IL17REL: variants seen among roughly 807,000 people sequenced by gnomAD.
IL17REL encodes the protein interleukin-17 receptor E-like protein.
IL17REL carries 36 observed loss-of-function variants against 49.0 expected under a neutral mutation model. That is an observed-to-expected ratio of 0.73 (90% CI 0.56 to 0.97). The LOEUF (loss-of-function observed/expected upper bound fraction) is 0.97. Ranked by LOEUF, IL17REL falls within the 50% of genes least tolerant of loss-of-function variation. IL17REL has a pLI of 0.00. For synonymous variants in IL17REL, 206 were observed against 192.4 expected (o/e 1.07, Z -0.58); for missense variants, 470 against 453.9 (o/e 1.04, Z -0.32).
At chr22:49,998,799 G>C (rs2061054603) in intron 7 of IL17REL, among the ~76,000 whole-genome samples, 1 of 151,948 alleles carries the variant, frequency 6.6e-6, no homozygotes, top group Non-Finnish European at 1.5e-5. Context: ...GCGTATGCAT[G>C]GGTGTGCCTG....
At chr22:49,995,476 T>G (rs1344106533) in exon 13 of IL17REL, 1 of 152,144 alleles carries the variant, frequency 6.6e-6, no homozygotes, top group African/African-American at 2.4e-5. Flanking sequence ...CACCCCACAC[T>G]CTCGGAGGGG....
exon 2 of IL17REL, chr22:50,001,114 A>G: frequency 6.2e-7 from 1 of 1,600,184 alleles, no homozygotes; most frequent in Non-Finnish European, 8.5e-7. Context: ...TACACGCAGG[A>G]GCATCGCGCA....
intron 4 of IL17REL, 71 bp downstream of exon 5, chr22:50,000,407 G>T: frequency 1.7e-6 from 2 of 1,181,850 alleles, no homozygotes; most frequent in Non-Finnish European, 1.3e-6. Flanking sequence ...CCTGCCCTGG[G>T]CAAGTCCCAC....
chr22:50,000,515 G>A lies in IL17REL; in HGVS notation c.297C>T (p.Phe99=), dbSNP rs970825878. 1.9e-6 allele frequency: 3 copies of A among 1,613,454 alleles called. No homozygotes were observed. The African/African-American group carries it at 4.0e-5, about 22-fold the overall frequency. The change falls in exon 4 of 13, where the codon TTC becomes TTT. Residue 99 remains phenylalanine (F), a synonymous_variant. Coordinates refer to ENST00000341280, the Ensembl canonical transcript of IL17REL. ...GCCTCTGGTCCAGCTGGACCCCGCA[G>A]AAATGAGGGATGGTCCTCAGGGTGA... is the stretch of plus-strand genomic sequence containing the variant.
chr22:49,999,334 C>G lies in IL17REL; in HGVS notation c.558G>C (p.Ala186=), dbSNP rs148168797. The change falls in exon 7 of 13, where the codon GCG becomes GCC. Residue 186 remains alanine, a synonymous_variant. Coordinates refer to ENST00000341280, the Ensembl canonical transcript of IL17REL. ...TCTGGATCCGCACCGCGTCAGGGGT[C>G]GCAGACCAGCCCTGTGGGAGGGGCT... is the stretch of plus-strand genomic sequence containing the variant. 1.2e-5 allele frequency: 19 copies of G among 1,612,882 alleles called. 1 individual carries two copies. The highest frequency in any genetic ancestry group is 5.0e-5 in the Admixed American group (3 of 60,002).
intron 2 of IL17REL, 30 bp from the exon 4 acceptor site, chr22:50,000,893 A>G: frequency 2.0e-6 from 3 of 1,483,996 alleles, no homozygotes; most frequent in Non-Finnish European, 2.7e-6. Flanking sequence ...GGCAGGGTGC[A>G]TCAGAGCAGG....
At position 49,997,279 on chromosome 22, in the gene IL17REL, C is replaced by CA. The variant is rs780597207; in HGVS notation, c.974+40_974+41insT. On this transcript the variant is annotated intron_variant, in intron 11 of 12. Transcript: ENST00000341280. ...AAGTGATGGGGTCCTGCCGCCACCA[C>CA]CCCCACCTCCCCAGGATGGAGCCCC... The CA allele has an allele frequency of 3.2e-6, 5 of 1,585,036 alleles. No individual in the cohort carries two copies. In the Admixed American group the frequency reaches 8.5e-5, roughly 27 times the overall value.
Position 50,006,475 on chromosome 22 carries a change from G to T in IL17REL, c.-42+2162C>A, listed in dbSNP as rs188262288. Among the ~76,000 whole-genome samples, 260 of 152,192 alleles carry T rather than the reference G, an allele frequency of 1.7e-3. 1 individual carries two copies. Among genetic ancestry groups the T allele is most frequent in the African/African-American group, 5.9e-3 (246 of 41,552 alleles). ...CAGGAAGCAGAGAGCCCAGAGTGAC[G>T]CTGTGGAGAGGGTGGGCCCAGGTGT... On this transcript the variant is annotated intron_variant, in intron 1 of 12. Coordinates refer to ENST00000341280, the Ensembl canonical transcript of IL17REL.
At chr22:50,006,945 ACT>A (rs1328249102) in intron 1 of IL17REL, among the ~76,000 whole-genome samples, 25 of 127,286 alleles carry the variant, frequency 2.0e-4, no homozygotes, top group African/African-American at 7.5e-4. Flanking sequence ...AAACAGTGAG[ACT>A]CTGTCTCAAA....
chr22:49,999,378 C>T, intron 6 of IL17REL, 33 bp from the exon 9 acceptor site: 1 of 1,612,866 alleles, frequency 6.2e-7, no homozygotes, highest in Admixed American at 1.7e-5. Context: ...CGCAGCCCAC[C>T]CATCCCTGTG....
At chr22:49,993,928 G>T (rs922742543), downstream of IL17REL, among the ~76,000 whole-genome samples, 1 of 152,116 alleles carries the variant, frequency 6.6e-6, no homozygotes, top group Non-Finnish European at 1.5e-5. This position sits in a 1 kb window ranked among gnomAD's most constrained non-coding sequence, Gnocchi z 6.0. Flanking sequence ...TTGTTTTCTG[G>T]CTGGGGGCGG....
exon 8 of IL17REL, chr22:49,998,138 C>G (rs748844182): frequency 1.2e-6 from 2 of 1,604,084 alleles, no homozygotes; most frequent in South Asian, 1.1e-5. Context: ...GGCACTCACT[C>G]TGCGATGCAC....
exon 3 of IL17REL, chr22:50,000,775 G>T (rs2061073996): frequency 6.3e-7 from 1 of 1,596,902 alleles, no homozygotes; most frequent in Non-Finnish European, 8.5e-7. Context: ...CCTGCTGCCG[G>T]TGGGAGGCCC....
chr22:49,999,766 G>C (rs1171459225), intron 5 of IL17REL, 62 bp downstream of exon 7: 7 of 1,278,214 alleles, frequency 5.5e-6, no homozygotes, highest in South Asian at 2.2e-5. Flanking sequence ...GCTGACCGGG[G>C]CCCGGGGCGC....
intron 1 of IL17REL, among the ~76,000 whole-genome samples, chr22:50,002,149 C>T (rs1285856806): frequency 1.3e-5 from 2 of 152,190 alleles, no homozygotes; most frequent in Non-Finnish European, 2.9e-5. Context: ...GGTTGCAGGC[C>T]GATCCTCCAC....
chr22:50,010,482 C>T (rs2061133409), upstream of IL17REL, among the ~76,000 whole-genome samples: 1 of 152,226 alleles, frequency 6.6e-6, no homozygotes, highest in Non-Finnish European at 1.5e-5. Flanking sequence ...GGGGCAGTGG[C>T]GTGGGTCCCC....
At chr22:49,999,488 G>A in exon 6 of IL17REL, 4 of 1,607,708 alleles carry the variant, frequency 2.5e-6, no homozygotes, top group Non-Finnish European at 3.4e-6. Context: ...CCTGGGAGAC[G>A]CTGTTGGCGG....
upstream of IL17REL, among the ~76,000 whole-genome samples, chr22:50,010,888 T>C (rs1363025879): frequency 6.6e-6 from 1 of 151,550 alleles, no homozygotes; most frequent in Admixed American, 6.6e-5. Flanking sequence ...TTCTCGGGGC[T>C]TCCCAGCGGC....
chr22:49,996,659 A>T, exon 13 of IL17REL: 1 of 228,454 alleles, frequency 4.4e-6, no homozygotes, highest in Non-Finnish European at 8.5e-6. Flanking sequence ...GGTTTGGCGC[A>T]GAAGCCTGAC....
Sources: gnomAD v4.1 joint callset for allele counts (sites outside exome capture counted in the v4.1 genomes callset) on GRCh38, gnomAD v4.1.1 for gene constraint, Gnocchi (gnomAD v3.1) non-coding constraint, MANE v1.5 for transcripts, NCBI Gene and HGNC (gene_info 2026-07-23, HGNC 2026-07-21) for gene names.